Variants in NPAS2 observed in about 807,000 individuals in gnomAD.
NPAS2 encodes the protein neuronal PAS domain protein 2, also known as neuronal PAS domain-containing protein 2.
Under a neutral mutation model 107.5 loss-of-function variants are expected in NPAS2, and 23 were observed. The observed-to-expected ratio is 0.21, with a 90% CI of 0.15 to 0.30. The LOEUF (loss-of-function observed/expected upper bound fraction) is 0.30. Among genes scored for constraint, NPAS2 ranks in the 10% least tolerant of loss-of-function variants. The pLI is 1.00. For missense variants in NPAS2, 756 were observed against 1,043.3 expected, an observed-to-expected ratio of 0.72 and a Z score of 3.79; for synonymous variants, 403 against 417.5, an observed-to-expected ratio of 0.97 and a Z score of 0.42.
intron 5 of NPAS2, among the ~76,000 whole-genome samples, chr2:100,944,204 A>C (rs1674751723): frequency 6.6e-6 from 1 of 152,108 alleles, no homozygotes; most frequent in East Asian, 1.9e-4. Flanking sequence ...TCTTTTCTCA[A>C]GGTGAAGTTT....
intron 1 of NPAS2, among the ~76,000 whole-genome samples, chr2:100,830,527 GT>G (rs1285086535): frequency 2.0e-5 from 3 of 146,804 alleles, no homozygotes; most frequent in African/African-American, 7.6e-5. Context: ...TGTGTCCCAA[GT>G]GTTCTCATTG....
intron 1 of NPAS2, among the ~76,000 whole-genome samples, chr2:100,901,908 C>T (rs1254234838): frequency 1.3e-5 from 2 of 152,172 alleles, no homozygotes; most frequent in African/African-American, 4.8e-5. Context: ...ACTGTCTACG[C>T]CACGTAGGAC....
At chr2:100,960,114 A>C (rs1381727909) in intron 7 of NPAS2, among the ~76,000 whole-genome samples, 2 of 152,144 alleles carry the variant, frequency 1.3e-5, no homozygotes, top group Non-Finnish European at 1.5e-5. Context: ...CAAATGAGGC[A>C]GACATGATTC....
chr2:100,831,804 G>A (rs1404984268), intron 1 of NPAS2, among the ~76,000 whole-genome samples: 1 of 122,812 alleles, frequency 8.1e-6, no homozygotes, highest in Non-Finnish European at 1.7e-5. Flanking sequence ...TCCAGGGGAA[G>A]CACGGGACCC....
chr2:100,940,823 A>G (rs949246416), intron 5 of NPAS2, among the ~76,000 whole-genome samples: 6 of 152,216 alleles, frequency 3.9e-5, no homozygotes, highest in African/African-American at 1.4e-4. Flanking sequence ...GTAAAGCTGA[A>G]TGTTCTCAGA....
rs1255187835 is a variant in NPAS2, at chr2:100,835,312, A to G, written c.-23+14898A>G. Among the ~76,000 whole-genome samples, 3 of 152,194 alleles carry G rather than the reference A, an allele frequency of 2.0e-5. No individual in the cohort carries two copies. The East Asian group carries it at 5.8e-4, about 29-fold the overall frequency. ...CTCGTTTTTATTTACTTTTTCTGAA[A>G]TGTTGCTTTGAAGAAAATAGGATGT... On this transcript the variant is annotated intron_variant, in intron 1 of 20. Coordinates refer to ENST00000335681, the MANE Select transcript of NPAS2 (RefSeq NM_002518.4).
At chr2:100,844,772 A>G (rs13386901) in intron 1 of NPAS2, among the ~76,000 whole-genome samples, 4,793 of 152,316 alleles carry the variant, frequency 0.031, 114 homozygotes, top group African/African-American at 0.063. Context: ...TGGGTTGTGT[A>G]TAGTTGCGCC....
chr2:100,834,748 G>A (rs1047237828), intron 1 of NPAS2, among the ~76,000 whole-genome samples: 7 of 151,956 alleles, frequency 4.6e-5, no homozygotes, highest in African/African-American at 1.2e-4. Flanking sequence ...CTGGAGGAGT[G>A]CAGTGATGTG....
chr2:100,955,416 G>A (rs530744244), intron 7 of NPAS2, among the ~76,000 whole-genome samples: 1 of 152,242 alleles, frequency 6.6e-6, no homozygotes, highest in South Asian at 2.1e-4. Flanking sequence ...CTAAAGTGAG[G>A]CTTGATCTTG....
At chr2:100,892,502 G>A (rs1331943632) in intron 1 of NPAS2, among the ~76,000 whole-genome samples, 1 of 152,124 alleles carries the variant, frequency 6.6e-6, no homozygotes, top group Non-Finnish European at 1.5e-5. Flanking sequence ...CTAGCCATCT[G>A]GCTCTATGAG....
At chr2:100,901,848 C>A (rs1681803309) in intron 1 of NPAS2, among the ~76,000 whole-genome samples, 1 of 152,090 alleles carries the variant, frequency 6.6e-6, no homozygotes, top group Non-Finnish European at 1.5e-5. Context: ...CTCAGAGGAT[C>A]CCACCCGCCT....
intron 4 of NPAS2, among the ~76,000 whole-genome samples, chr2:100,933,671 A>T (rs936102774): frequency 1.3e-5 from 2 of 151,884 alleles, no homozygotes; most frequent in African/African-American, 4.8e-5. Flanking sequence ...TATGGGTGAA[A>T]CTCCTCAATG....
intron 1 of NPAS2, among the ~76,000 whole-genome samples, chr2:100,844,828 T>C (rs1677671558): frequency 6.6e-6 from 1 of 152,204 alleles, no homozygotes; most frequent in African/African-American, 2.4e-5. Context: ...TTAACTACTT[T>C]TCCTTTGCCA....
In NPAS2 at chr2:100,869,551, G is replaced by A. The variant is rs188425607; in HGVS notation, c.-22-35182G>A. Among the ~76,000 whole-genome samples, 14 of 152,336 alleles carry A rather than the reference G, an allele frequency of 9.2e-5. No individual in the cohort carries two copies. In the East Asian group the frequency reaches 2.7e-3, roughly 29 times the overall value. On this transcript the variant is annotated intron_variant, in intron 1 of 20. Coordinates refer to ENST00000335681, the MANE Select transcript of NPAS2 (RefSeq NM_002518.4). ...CAGTGGGAATTTGGGCCTGAACCTT[G>A]TGTGAAGGTCAGTTTGGGACTAGGA...
intron 19 of NPAS2, among the ~76,000 whole-genome samples, chr2:100,992,507 A>C (rs1356354511): frequency 6.9e-6 from 1 of 145,690 alleles, no homozygotes; most frequent in African/African-American, 2.5e-5. Flanking sequence ...TATTCTTGTG[A>C]TAGAGTTCTC....
At chr2:100,840,792 G>A (rs528863017) in intron 1 of NPAS2, among the ~76,000 whole-genome samples, 1 of 152,232 alleles carries the variant, frequency 6.6e-6, no homozygotes, top group Admixed American at 6.5e-5. Context: ...TGTGCGAAGG[G>A]AAAGAGCAAG....
intron 1 of NPAS2, among the ~76,000 whole-genome samples, chr2:100,827,542 C>T (rs1417156640): frequency 6.6e-6 from 1 of 152,172 alleles, no homozygotes; most frequent in Non-Finnish European, 1.5e-5. Flanking sequence ...CCCTGGCTCC[C>T]TGCTCCCTCC....
In NPAS2 at chr2:100,841,791, C is replaced by T. The variant is rs556879857; in HGVS notation, c.-23+21377C>T. 9.2e-5 allele frequency among the ~76,000 whole-genome samples: 14 copies of T among 152,260 alleles called. No homozygotes were observed. In the East Asian group the frequency reaches 1.5e-3, roughly 17 times the overall value. ...ACATGCACACATATGCATACACACA[C>T]GCATGCACAAATACATGTATATACC... is the stretch of plus-strand genomic sequence containing the variant. On this transcript the variant is annotated intron_variant, in intron 1 of 20. Coordinates refer to ENST00000335681, the MANE Select transcript of NPAS2 (RefSeq NM_002518.4).
At chr2:100,952,668 G>A (rs1675302308) in intron 7 of NPAS2, among the ~76,000 whole-genome samples, 1 of 152,040 alleles carries the variant, frequency 6.6e-6, no homozygotes, top group Admixed American at 6.5e-5. Context: ...TCATTAAGAT[G>A]CTGCTGAATA....
Sources: allele counts gnomAD v4.1 joint callset (sites outside exome capture counted in the v4.1 genomes callset), GRCh38; gene constraint gnomAD v4.1.1; transcripts MANE v1.5; gene names NCBI Gene and HGNC (gene_info 2026-07-23, HGNC 2026-07-21).